ABLIM1: variants seen among roughly 807,000 people sequenced by gnomAD.
The protein encoded by ABLIM1 is actin binding LIM protein 1.
A neutral mutation model predicts 107.0 loss-of-function variants in ABLIM1; 40 were observed. That is an observed-to-expected ratio of 0.37 (90% CI 0.29 to 0.49). The LOEUF (loss-of-function observed/expected upper bound fraction) is 0.49, where lower values mean the gene tolerates loss of function less well. Among genes scored for constraint, ABLIM1 ranks in the 20% least tolerant of loss-of-function variants. ABLIM1 has a pLI of 0.97. For missense variants in ABLIM1, 857 were observed against 1,008.5 expected (o/e 0.85, Z 2.04); for synonymous variants, 357 against 357.3 (o/e 1.00, Z 0.01).
chr10:114,743,787 G>A (rs1015654287), intron 1 of ABLIM1, among the ~76,000 whole-genome samples: 6 of 152,204 alleles, frequency 3.9e-5, no homozygotes, highest in South Asian at 2.1e-4. Context: ...TTGATATGCA[G>A]GGGAGAGGAT....
At chr10:114,788,605 G>A in the ABLIM1 span, among the ~76,000 whole-genome samples, 1 of 152,128 alleles carries the variant, frequency 6.6e-6, no homozygotes, top group Non-Finnish European at 1.5e-5. Flanking sequence ...GCGTGTGCCT[G>A]TAATCCCAGC....
rs541442482 is a variant in ABLIM1, at chr10:114,694,868, C to T, written c.-213+73193G>A. Among the ~76,000 whole-genome samples the T allele has an allele frequency of 3.3e-5, 5 of 152,192 alleles. No individual in the cohort carries two copies. In the South Asian group the frequency reaches 1.0e-3, roughly 32 times the overall value. ...TTGGGATCATAGCTAGCTCTACCATCTTCTCTGGGACCTCGCCGCTCAAAA... is the reference window on the plus strand; with the variant it reads ...TTGGGATCATAGCTAGCTCTACCATTTTCTCTGGGACCTCGCCGCTCAAAA... On this transcript the variant is annotated intron_variant, in intron 1 of 15. Transcript: ENST00000651092.
At chr10:114,742,250 T>G (rs974598040) in intron 1 of ABLIM1, among the ~76,000 whole-genome samples, 1 of 152,184 alleles carries the variant, frequency 6.6e-6, no homozygotes, top group Non-Finnish European at 1.5e-5. Context: ...AAGTATCCCT[T>G]GAAAGACCCT....
At chr10:114,696,318 G>C (rs1427929365) in intron 1 of ABLIM1, among the ~76,000 whole-genome samples, 1 of 152,342 alleles carries the variant, frequency 6.6e-6, no homozygotes, top group South Asian at 2.1e-4. Flanking sequence ...AATGATGGCA[G>C]GTTTTGTTTC....
At chr10:114,693,479 C>A (rs918337670) in intron 1 of ABLIM1, among the ~76,000 whole-genome samples, 2 of 152,182 alleles carry the variant, frequency 1.3e-5, no homozygotes, top group African/African-American at 2.4e-5. Flanking sequence ...CTCTCCAGAT[C>A]GCCAAGTACA....
intron 1 of ABLIM1, among the ~76,000 whole-genome samples, chr10:114,728,934 A>C (rs190209804): frequency 6.6e-6 from 1 of 152,254 alleles, no homozygotes; most frequent in Non-Finnish European, 1.5e-5. Flanking sequence ...TAAAGTGCTC[A>C]TGAAGTAATG....
At chr10:114,443,672 T>TAA (rs11418258) in intron 17 of ABLIM1, among the ~76,000 whole-genome samples, 1,967 of 107,290 alleles carry the variant, frequency 0.018, 43 homozygotes, top group African/African-American at 0.051. Flanking sequence ...TCATGTTATC[T>TAA]AAAAAAAAAA....
the ABLIM1 span, among the ~76,000 whole-genome samples, chr10:114,783,957 T>C: frequency 2.6e-5 from 4 of 151,968 alleles, no homozygotes; most frequent in Admixed American, 6.6e-5. Context: ...GTTAGTGACC[T>C]TCATGAGAGT....
chr10:114,735,435 G>GT lies in ABLIM1; in HGVS notation c.-213+32625dup, dbSNP rs557478111. On this transcript the variant is annotated intron_variant, in intron 1 of 15. Transcript: ENST00000651092. ...GAGCCAACTGGGAGCCAATCCCATG[G>GT]TTTTTTTGTTTTAGGTTAATAAATG... Among the ~76,000 whole-genome samples the GT allele has an allele frequency of 5.9e-5, 9 of 152,272 alleles. No homozygotes were observed. The South Asian group carries it at 1.2e-3, about 21-fold the overall frequency.
chr10:114,783,744 C>T, the ABLIM1 span, among the ~76,000 whole-genome samples: 1 of 151,810 alleles, frequency 6.6e-6, no homozygotes, highest in African/African-American at 2.4e-5. Flanking sequence ...TGATTTGTAG[C>T]ATTTGCTGAT....
At chr10:114,436,565 T>A (rs2059426509) in intron 22 of ABLIM1, among the ~76,000 whole-genome samples, 192 bp from the exon 23 acceptor site, 1 of 152,030 alleles carries the variant, frequency 6.6e-6, no homozygotes, top group Non-Finnish European at 1.5e-5. Flanking sequence ...GCCCTTCCCA[T>A]CAGATAAAAG....
intron 1 of ABLIM1, among the ~76,000 whole-genome samples, chr10:114,716,481 G>A (rs181316223): frequency 1.3e-4 from 19 of 151,372 alleles, no homozygotes; most frequent in Admixed American, 3.3e-4. Flanking sequence ...AAAAGAAAAC[G>A]AGTGTTAAGG....
chr10:114,480,491 C>T (rs560767541), intron 8 of ABLIM1, among the ~76,000 whole-genome samples: 1 of 152,166 alleles, frequency 6.6e-6, no homozygotes, highest in Admixed American at 6.5e-5. Flanking sequence ...AAAACCAACT[C>T]GAAAGTGCAG....
intron 8 of ABLIM1, among the ~76,000 whole-genome samples, chr10:114,475,821 C>G (rs1668468201): frequency 6.6e-6 from 1 of 152,170 alleles, no homozygotes; most frequent in African/African-American, 2.4e-5. Flanking sequence ...TTCTGGAAAG[C>G]TCTGCAGAGA....
intron 1 of ABLIM1, among the ~76,000 whole-genome samples, chr10:114,671,133 T>A (rs1478266960): frequency 6.6e-6 from 1 of 152,196 alleles, no homozygotes; most frequent in Non-Finnish European, 1.5e-5. Flanking sequence ...TCTGACTTAA[T>A]CTCATGAAAG....
Position 114,677,764 on chromosome 10 carries a change from C to T in ABLIM1, c.64+6526G>A, listed in dbSNP as rs567891420. Among the ~76,000 whole-genome samples the T allele has an allele frequency of 1.2e-4, 18 of 152,282 alleles. No individual in the cohort carries two copies. In the East Asian group the frequency reaches 2.5e-3, roughly 21 times the overall value. On this transcript the variant is annotated intron_variant, in intron 1 of 23. Coordinates refer to the ABLIM1 transcript ENST00000369256. ...CACTCCAGCCTGGGCAACAGCCAGA[C>T]TCTGCCTCAAAAAAATAAAAATAAA...
At chr10:114,572,724 C>T (rs997366396) in intron 3 of ABLIM1, among the ~76,000 whole-genome samples, 3 of 152,202 alleles carry the variant, frequency 2.0e-5, no homozygotes, top group African/African-American at 7.2e-5. Flanking sequence ...CCTACTGCTT[C>T]ACACTCATTA....
At chr10:114,521,543 GT>G (rs1049605197) in intron 6 of ABLIM1, among the ~76,000 whole-genome samples, 36 of 152,240 alleles carry the variant, frequency 2.4e-4, no homozygotes, top group African/African-American at 8.4e-4. Flanking sequence ...TGAGGTGGGT[GT>G]GGGGAGAAAA....
At chr10:114,532,774 G>A (rs909435619) in intron 6 of ABLIM1, among the ~76,000 whole-genome samples, 1 of 152,182 alleles carries the variant, frequency 6.6e-6, no homozygotes, top group Non-Finnish European at 1.5e-5. Context: ...GCCATCTTTG[G>A]TGTGACTTAT....
Sources: gnomAD v4.1 joint callset for allele counts (sites outside exome capture counted in the v4.1 genomes callset) on GRCh38, gnomAD v4.1.1 for gene constraint, MANE v1.5 for transcripts, NCBI Gene and HGNC (gene_info 2026-07-23, HGNC 2026-07-21) for gene names.